Variants in TACC2 observed in about 807,000 individuals in gnomAD.
The protein encoded by TACC2 is transforming acidic coiled-coil-containing protein 2.
TACC2 carries 137 observed loss-of-function variants against 227.3 expected under a neutral mutation model. The ratio of observed to expected loss-of-function variants is 0.60; its 90% CI spans 0.52 to 0.69. The LOEUF (loss-of-function observed/expected upper bound fraction) is 0.69, where lower values mean the gene tolerates loss of function less well. TACC2 is among the 30% of genes least tolerant of loss of function. The pLI, the probability that TACC2 is intolerant of heterozygous loss-of-function variation, is 0.00. For missense variants in TACC2, 3,470 were observed against 3,694.4 expected (o/e 0.94, Z 1.57); for synonymous variants, 1,523 against 1,487.5 (o/e 1.02, Z -0.55).
intron 3 of TACC2, among the ~76,000 whole-genome samples, chr10:122,077,046 C>T (rs2078897510): frequency 3.5e-5 from 5 of 141,454 alleles, no homozygotes; most frequent in Admixed American, 1.6e-4. Flanking sequence ...ACCCAGGAGG[C>T]GGAGGTTGCA....
chr10:122,201,394 C>T (rs1333186642), intron 8 of TACC2, among the ~76,000 whole-genome samples: 1 of 152,052 alleles, frequency 6.6e-6, no homozygotes, highest in African/African-American at 2.4e-5. Flanking sequence ...AGGACGGCCA[C>T]CTCACCTGCC....
chr10:122,095,031 C>T (rs945911150), intron 5 of TACC2, among the ~76,000 whole-genome samples: 4 of 152,192 alleles, frequency 2.6e-5, no homozygotes, highest in South Asian at 2.1e-4. Context: ...GAGCTCCCCC[C>T]CACCACTTTA....
intron 5 of TACC2, among the ~76,000 whole-genome samples, chr10:122,105,857 A>G (rs1331952162): frequency 5.3e-5 from 8 of 151,104 alleles, no homozygotes; most frequent in Non-Finnish European, 1.0e-4. Context: ...TCCTCACCTC[A>G]GGTGATCTGC....
intron 6 of TACC2, among the ~76,000 whole-genome samples, chr10:122,138,488 C>T (rs1366742495): frequency 2.6e-5 from 4 of 152,054 alleles, no homozygotes; most frequent in East Asian, 1.9e-4. Flanking sequence ...CTAGCCTGGA[C>T]GATAAGAGTG....
intron 16 of TACC2, among the ~76,000 whole-genome samples, chr10:122,230,863 T>G (rs2095728793): frequency 6.6e-6 from 1 of 152,220 alleles, no homozygotes; most frequent in Non-Finnish European, 1.5e-5. Context: ...TTTTCTATTT[T>G]CTGCAAGTTA....
chr10:122,184,876 G>A (rs770759862), intron 7 of TACC2, among the ~76,000 whole-genome samples: 26 of 152,064 alleles, frequency 1.7e-4, no homozygotes, highest in Non-Finnish European at 3.1e-4. Context: ...TTCGTTAACA[G>A]CCATTATGTT....
chr10:122,239,752 C>T (rs2095943818), intron 18 of TACC2, among the ~76,000 whole-genome samples: 1 of 152,104 alleles, frequency 6.6e-6, no homozygotes, highest in South Asian at 2.1e-4. Flanking sequence ...CATTTACTAG[C>T]TGATGTGGTA....
intron 2 of TACC2, among the ~76,000 whole-genome samples, chr10:122,034,236 T>C (rs1322915486): frequency 1.3e-5 from 2 of 151,528 alleles, no homozygotes; most frequent in African/African-American, 4.9e-5. Flanking sequence ...TTTGTTTCTC[T>C]GCATATCCCA....
intron 22 of TACC2, among the ~76,000 whole-genome samples, chr10:122,250,419 A>G (rs2096230995): frequency 6.6e-6 from 1 of 152,098 alleles, no homozygotes; most frequent in Non-Finnish European, 1.5e-5. Context: ...TGGCAGCACA[A>G]TTTTTGCATT....
chr10:122,139,544 C>T (rs993304076), intron 6 of TACC2, among the ~76,000 whole-genome samples: 2 of 152,210 alleles, frequency 1.3e-5, no homozygotes, highest in African/African-American at 2.4e-5. Flanking sequence ...CCCAGGCCTC[C>T]GTGGGACTGG....
intron 1 of TACC2, among the ~76,000 whole-genome samples, chr10:121,992,707 C>A (rs954606301): frequency 6.6e-6 from 1 of 152,134 alleles, no homozygotes. Flanking sequence ...GTAATCCTAG[C>A]ATTTTAGGAG....
chr10:122,015,836 C>T (rs747357901), intron 1 of TACC2, among the ~76,000 whole-genome samples: 15 of 152,000 alleles, frequency 9.9e-5, no homozygotes, highest in Non-Finnish European at 1.8e-4. Flanking sequence ...AAATCCACCC[C>T]TCCCAGCAAA....
chr10:122,248,678 A>G lies in TACC2; in HGVS notation c.8428A>G (p.Thr2810Ala). ...GAGAGAGAAGTCAGTCTCCCACCAG[A>G]CGGTGCAGCAGCTGGTTCTGGAGAA... is the stretch of plus-strand genomic sequence containing the variant. ...EQREKSVSHQ[T>A]VQQLVLEKEQ... Residue 2810 changes from threonine to alanine, a missense_variant, in exon 20 of 23, where the codon ACG (threonine) becomes GCG (alanine). Physicochemically the swap from Thr to Ala is moderately conservative, Grantham distance 58 (BLOSUM62 0). Transcript: ENST00000369005. 1.2e-6 allele frequency: 2 copies of G among 1,613,792 alleles called. No individual in the cohort carries two copies. Among genetic ancestry groups the G allele is most frequent in the African/African-American group, 2.7e-5 (2 of 75,038 alleles).
At position 122,132,660 on chromosome 10, in the gene TACC2, A is replaced by C. The variant is rs1042906107; in HGVS notation, c.5625A>C (p.Glu1875Asp). Residue 1875 changes from glutamate to aspartate, a missense_variant, in exon 6 of 23, where the codon GAA (glutamate) becomes GAC (aspartate). Glu to Asp is a conservative substitution (Grantham distance 45, BLOSUM62 2). This residue lies in a region of TACC2 where 1,924 missense variants were observed against 1,978.3 expected (regional missense o/e 0.97). Transcript: ENST00000369005. ...AGCCCGCTGCCCCCGCAGACCTGGA[A>C]AGCCCAACCTTAGCTGCCTCTTCCT... ...IIQPAAPADL[E>D]SPTLAASSYH... 2 of 1,614,056 alleles carry C rather than the reference A, an allele frequency of 1.2e-6. No individual in the cohort carries two copies. Among genetic ancestry groups the C allele is most frequent in the African/African-American group, 2.7e-5 (2 of 74,902 alleles).
chr10:122,245,249 G>A (rs1211899166), intron 19 of TACC2, among the ~76,000 whole-genome samples: 1 of 152,214 alleles, frequency 6.6e-6, no homozygotes, highest in East Asian at 1.9e-4. Flanking sequence ...TTGTTGTTGA[G>A]TGTAGGGTGT....
chr10:122,017,222 AGTTTCTGGAGGGTGGTTTCTGGAAAGTG>A (rs1956766892), intron 1 of TACC2, among the ~76,000 whole-genome samples: 1 of 152,068 alleles, frequency 6.6e-6, no homozygotes, highest in Non-Finnish European at 1.5e-5. Flanking sequence ...CAGAGTTGAC[AGTTTCTGGAGGGTGGTTTCTGGAAAGTG>A]GTTTCTGGAG....
In TACC2 at chr10:122,077,783, C is replaced by T. The variant is rs369168671; in HGVS notation, c.147-4864C>T. Among the ~76,000 whole-genome samples the T allele has an allele frequency of 2.3e-4, 35 of 152,326 alleles. 1 individual carries two copies. Among genetic ancestry groups the T allele is most frequent in the Admixed American group, 1.4e-3 (22 of 15,302 alleles). On this transcript the variant is annotated intron_variant, in intron 3 of 22. Transcript: ENST00000369005. The stretch of plus-strand genomic sequence containing the variant: ...CGCCACAGGGCTCAATCTTGCTTTG[C>T]GTTACCGGCTCTTTGACCCTGGGTC...
In TACC2 at chr10:122,087,198, T is replaced by A. The variant is rs1380445959; in HGVS notation, c.4698T>A (p.Thr1566=). 1 of 1,612,332 alleles carries A rather than the reference T, an allele frequency of 6.2e-7. No homozygotes were observed. Among genetic ancestry groups the A allele is most frequent in the East Asian group, 2.2e-5 (1 of 44,866 alleles). ...LASGLPSPAA[T]QELPVERAAA... The stretch of plus-strand genomic sequence containing the variant: ...CAGGTCTTCCTTCACCAGCAGCTAC[T>A]CAGGAGCTCCCTGTGGAGAGAGCTG... Residue 1566 remains threonine, a synonymous_variant, in exon 4 of 23, where the codon ACT becomes ACA. Transcript: ENST00000369005.
At chr10:122,002,530 G>A (rs147540441) in intron 1 of TACC2, among the ~76,000 whole-genome samples, 10 of 152,192 alleles carry the variant, frequency 6.6e-5, no homozygotes, top group South Asian at 6.2e-4. Context: ...AAAATGCTTT[G>A]GAATAATTTG....
Sources: allele counts gnomAD v4.1 joint callset (sites outside exome capture counted in the v4.1 genomes callset), GRCh38; gene constraint gnomAD v4.1.1; regional missense constraint gnomAD v4.1.1; transcripts MANE v1.5; gene names NCBI Gene and HGNC (gene_info 2026-07-23, HGNC 2026-07-21).